The following TRIQK variants were observed in gnomAD, a reference collection of about 807,000 sequenced individuals.
The protein encoded by TRIQK is triple QxxK/R motif containing.
A neutral mutation model predicts 10.8 loss-of-function variants in TRIQK; 10 were observed. The observed-to-expected ratio is 0.92, with a 90% CI of 0.57 to 1.57. The LOEUF is 1.57. Ranked by LOEUF, TRIQK falls within the 40% of genes most tolerant of loss-of-function variation. The pLI, the probability that TRIQK is intolerant of heterozygous loss-of-function variation, is 0.00. For synonymous variants in TRIQK, 33 were observed against 33.7 expected (o/e 0.98, Z 0.07); for missense variants, 107 against 97.7 (o/e 1.09, Z -0.40).
chr8:92,890,911 T>C (rs186989017), intron 4 of TRIQK, among the ~76,000 whole-genome samples: 1 of 152,078 alleles, frequency 6.6e-6, no homozygotes, highest in Admixed American at 6.6e-5. Context: ...AAAGAATTTT[T>C]TTAATGAATG....
At chr8:92,918,354 T>A (rs1403791613) in intron 2 of TRIQK, among the ~76,000 whole-genome samples, 1 of 151,910 alleles carries the variant, frequency 6.6e-6, no homozygotes, top group African/African-American at 2.4e-5. Flanking sequence ...GTATGACCAT[T>A]TCCTTTTTTC....
At chr8:92,897,974 T>C (rs1306306828) in intron 3 of TRIQK, among the ~76,000 whole-genome samples, 1 of 152,090 alleles carries the variant, frequency 6.6e-6, no homozygotes, top group Non-Finnish European at 1.5e-5. Flanking sequence ...ATAGCCCTGC[T>C]CGTGCACATG....
At chr8:92,938,341 T>G (rs534518906) in intron 2 of TRIQK, among the ~76,000 whole-genome samples, 1 of 152,188 alleles carries the variant, frequency 6.6e-6, no homozygotes, top group African/African-American at 2.4e-5. Context: ...ATTATTACAA[T>G]CAAATTAACT....
At chr8:92,901,561 T>C (rs1808941753) in intron 3 of TRIQK, among the ~76,000 whole-genome samples, 1 of 152,198 alleles carries the variant, frequency 6.6e-6, no homozygotes, top group Admixed American at 6.5e-5. Flanking sequence ...TTGATTTGTG[T>C]ATGTTGAATC....
intron 1 of TRIQK, among the ~76,000 whole-genome samples, chr8:92,977,394 A>AT (rs1419051802): frequency 6.6e-6 from 1 of 151,582 alleles, no homozygotes; most frequent in African/African-American, 2.4e-5. Flanking sequence ...TTTCAAATCG[A>AT]TTTTTTTGCT....
intron 2 of TRIQK, among the ~76,000 whole-genome samples, chr8:92,952,111 C>G (rs556209282): frequency 3.3e-5 from 5 of 151,434 alleles, no homozygotes; most frequent in African/African-American, 1.2e-4. Flanking sequence ...AAGAGATACA[C>G]AAGCATCAGA....
At chr8:92,903,783 G>A (rs766643907) in intron 3 of TRIQK, among the ~76,000 whole-genome samples, 22 of 151,976 alleles carry the variant, frequency 1.4e-4, no homozygotes, top group East Asian at 5.8e-4. Flanking sequence ...TGAGTATTAC[G>A]TTCAGGGTGA....
intron 4 of TRIQK, among the ~76,000 whole-genome samples, 168 bp downstream of exon 4, chr8:92,891,821 G>A (rs1251839619): frequency 6.6e-6 from 1 of 151,846 alleles, no homozygotes; most frequent in African/African-American, 2.4e-5. Flanking sequence ...AGAATAGGAA[G>A]GATGTTTTCC....
intron 1 of TRIQK, among the ~76,000 whole-genome samples, chr8:92,976,694 C>CA (rs1281753880): frequency 1.4e-4 from 22 of 151,852 alleles, no homozygotes; most frequent in African/African-American, 5.3e-4. Context: ...TCTATACGTT[C>CA]AATCCCTTCT....
upstream of TRIQK, among the ~76,000 whole-genome samples, chr8:92,967,361 A>T (rs766495779): frequency 4.7e-4 from 72 of 152,130 alleles, no homozygotes; most frequent in Non-Finnish European, 8.8e-4. Context: ...TCGTACTGTG[A>T]TGCAATTGTT....
In TRIQK at chr8:92,884,733, C is replaced by A. The variant is rs978085781; in HGVS notation, c.*1889G>T. 7.2e-6 allele frequency: 3 copies of A among 417,154 alleles called. No homozygotes were observed. Among genetic ancestry groups the A allele is most frequent in the African/African-American group, 6.2e-5 (3 of 48,678 alleles). 25.8% of individuals were successfully genotyped at this position (417,154 alleles called of 1,614,324 possible). Reference sequence around the variant, plus strand: ...AATAAGCAATTATTACATATCCTCTCATTTAAATTACCACTGAAAACTAGA... The same window carrying A: ...AATAAGCAATTATTACATATCCTCTAATTTAAATTACCACTGAAAACTAGA... On this transcript the variant is annotated 3_prime_UTR_variant, in exon 5 of 5. Coordinates refer to ENST00000521988, the MANE Select transcript of TRIQK (RefSeq NM_001171797.2).
intron 3 of TRIQK, among the ~76,000 whole-genome samples, chr8:92,894,110 T>G (rs1468067385): frequency 2.0e-5 from 3 of 152,136 alleles, no homozygotes; most frequent in African/African-American, 7.2e-5. Context: ...AAGTTGATAT[T>G]AACATTTGAA....
At chr8:92,977,381 T>C (rs1812943975) in intron 1 of TRIQK, among the ~76,000 whole-genome samples, 1 of 151,962 alleles carries the variant, frequency 6.6e-6, no homozygotes. Flanking sequence ...TCTCTGTATA[T>C]AATTTCAAAT....
rs772350027 is a variant in TRIQK, at chr8:92,921,926, T to C, written c.-21-4916A>G. Among the ~76,000 whole-genome samples the C allele has an allele frequency of 7.9e-5, 12 of 151,804 alleles. 1 individual carries two copies. The highest frequency in any genetic ancestry group is 1.8e-4 in the Non-Finnish European group (12 of 67,738). On this transcript the variant is annotated intron_variant, in intron 2 of 4. Transcript: ENST00000521988. ...GATAGTTAACAGTGATCCCACCCAA[T>C]ACAGTGAAAGCCATCTCCAACTTAA...
chr8:93,016,156 T>G (rs930128715), intron 1 of TRIQK, among the ~76,000 whole-genome samples: 1 of 152,156 alleles, frequency 6.6e-6, no homozygotes, highest in Non-Finnish European at 1.5e-5. Context: ...ACTCAGAGTA[T>G]AAAATATAGT....
chr8:92,993,917 C>G (rs1460518181), intron 1 of TRIQK, among the ~76,000 whole-genome samples: 1 of 152,110 alleles, frequency 6.6e-6, no homozygotes, highest in Non-Finnish European at 1.5e-5. Flanking sequence ...TGATAAAAGA[C>G]TAGGCAAACT....
At chr8:92,943,352 C>T (rs1157533246) in intron 2 of TRIQK, among the ~76,000 whole-genome samples, 1 of 152,040 alleles carries the variant, frequency 6.6e-6, no homozygotes, top group Admixed American at 6.6e-5. Context: ...CCAGAAAACA[C>T]CCTGAATAGC....
Position 92,892,096 on chromosome 8 carries a change from C to T in TRIQK, c.62-22G>A, listed in dbSNP as rs766085168. On this transcript the variant is annotated intron_variant, in intron 3 of 4. Coordinates refer to ENST00000521988, the MANE Select transcript of TRIQK (RefSeq NM_001171797.2). ...TTACCTAGAAAGAAATAGTTTCAGA[C>T]AATGAGTTATGCTCATATATAATTA... 3 of 1,408,284 alleles carry T rather than the reference C, an allele frequency of 2.1e-6. No individual in the cohort carries two copies. The African/African-American group carries it at 4.3e-5, about 20-fold the overall frequency. The allele number at this position is 1,408,284 out of a possible 1,614,324, so 87.2% of individuals were successfully genotyped here. A position where few individuals can be genotyped will look rare whatever the true frequency, so the allele number is the denominator to read the frequency against.
chr8:92,936,837 T>C (rs540855834), intron 2 of TRIQK, among the ~76,000 whole-genome samples: 91 of 151,934 alleles, frequency 6.0e-4, no homozygotes, highest in African/African-American at 2.1e-3. Flanking sequence ...TATAAAATTC[T>C]AATTTAGTAT....
Sources: allele counts gnomAD v4.1 joint callset (sites outside exome capture counted in the v4.1 genomes callset), GRCh38; gene constraint gnomAD v4.1.1; transcripts MANE v1.5; gene names NCBI Gene and HGNC (gene_info 2026-07-23, HGNC 2026-07-21).